The following SCFD2 variants were observed in gnomAD, a reference collection of about 807,000 sequenced individuals.
SCFD2 encodes the protein sec1 family domain containing 2.
SCFD2 carries 54 observed loss-of-function variants against 58.9 expected under a neutral mutation model. The observed-to-expected ratio is 0.92, with a 90% CI of 0.74 to 1.15. SCFD2 has a LOEUF of 1.15. Among genes scored for constraint, SCFD2 ranks in the 50% most tolerant of loss-of-function variants. The probability of loss-of-function intolerance (pLI) is 0.00; values close to 1 mark genes in which losing one functional copy is unlikely to be tolerated. For missense variants in SCFD2, 805 were observed against 836.6 expected (o/e 0.96, Z 0.47); for synonymous variants, 321 against 335.9 (o/e 0.96, Z 0.49).
chr4:52,986,037 T>A (rs1482265418), intron 5 of SCFD2, among the ~76,000 whole-genome samples: 1 of 152,010 alleles, frequency 6.6e-6, no homozygotes, highest in Non-Finnish European at 1.5e-5. Context: ...TTTGCACCTG[T>A]CCCCCTGTGA....
At position 52,941,401 on chromosome 4, in the gene SCFD2, T is replaced by C. The variant is rs369929753; in HGVS notation, c.1562-20531A>G. ...TGATAGCTTTTCTGACATTTATTTC[T>C]GCTTCTTTTGGTGGGTCTTTCTATA... On this transcript the variant is annotated intron_variant, in intron 5 of 8. Coordinates refer to ENST00000401642, the MANE Select transcript of SCFD2 (RefSeq NM_152540.4). Among the ~76,000 whole-genome samples, 22 of 152,346 alleles carry C rather than the reference T, an allele frequency of 1.4e-4. 1 individual carries two copies. The highest frequency in any genetic ancestry group is 5.3e-4 in the African/African-American group (22 of 41,590).
In SCFD2 at chr4:53,270,918, T is replaced by C. The variant is rs1477239480; in HGVS notation, c.1311+2908A>G. On this transcript the variant is annotated intron_variant, in intron 4 of 8. Coordinates refer to ENST00000401642, the MANE Select transcript of SCFD2 (RefSeq NM_152540.4). ...ATATTACATATTAATGGGAAAAAGATGAGTGTATTTTGGCTCCAAATAACA... is the reference window on the plus strand; with the variant it reads ...ATATTACATATTAATGGGAAAAAGACGAGTGTATTTTGGCTCCAAATAACA... 2.0e-5 allele frequency among the ~76,000 whole-genome samples: 3 copies of C among 152,164 alleles called. No homozygotes were observed. In the East Asian group the frequency reaches 5.8e-4, roughly 29 times the overall value.
intron 5 of SCFD2, among the ~76,000 whole-genome samples, chr4:53,125,824 G>A (rs1352878812): frequency 5.3e-5 from 8 of 152,200 alleles, no homozygotes; most frequent in Non-Finnish European, 2.9e-5. Context: ...CTAAAGGGAG[G>A]GGGTAGATAT....
intron 7 of SCFD2, among the ~76,000 whole-genome samples, chr4:52,905,248 G>C (rs377761700): frequency 7.9e-5 from 12 of 152,328 alleles, no homozygotes; most frequent in African/African-American, 2.6e-4. Flanking sequence ...GGAAATTACA[G>C]TCAGTGTCTC....
At chr4:53,125,077 G>A (rs938627474) in intron 5 of SCFD2, among the ~76,000 whole-genome samples, 2 of 152,098 alleles carry the variant, frequency 1.3e-5, no homozygotes, top group Non-Finnish European at 2.9e-5. Context: ...AAGTCCCTAG[G>A]ATCCTCGCAA....
chr4:52,938,252 A>G (rs1720194214), intron 5 of SCFD2, among the ~76,000 whole-genome samples: 2 of 152,212 alleles, frequency 1.3e-5, no homozygotes, highest in Admixed American at 1.3e-4. Context: ...CATTTCACAG[A>G]TGAGAAAAAT....
intron 4 of SCFD2, among the ~76,000 whole-genome samples, chr4:53,255,781 AGGGGCGGCCGGGC>A (rs1465580447): frequency 3.5e-5 from 5 of 142,602 alleles, no homozygotes; most frequent in South Asian, 2.3e-4. Flanking sequence ...ACTTCCCAGT[AGGGGCGGCCGGGC>A]AGAGGCGCCC....
intron 4 of SCFD2, among the ~76,000 whole-genome samples, chr4:53,181,311 T>C (rs1055827212): frequency 2.6e-5 from 4 of 152,130 alleles, no homozygotes; most frequent in East Asian, 1.9e-4. Flanking sequence ...TCCACCATGA[T>C]CAAGTGGGCT....
At chr4:52,909,291 G>A (rs1719427788) in intron 6 of SCFD2, among the ~76,000 whole-genome samples, 1 of 152,190 alleles carries the variant, frequency 6.6e-6, no homozygotes, top group South Asian at 2.1e-4. Context: ...AACCACCCAA[G>A]TGCCATCAGT....
chr4:53,069,441 C>CA (rs1040750183), intron 5 of SCFD2, among the ~76,000 whole-genome samples: 6 of 152,058 alleles, frequency 3.9e-5, no homozygotes, highest in Admixed American at 3.3e-4. Context: ...CAGACTTCAT[C>CA]AGCAAAAGCA....
chr4:53,114,491 C>A (rs1051453958), intron 5 of SCFD2, among the ~76,000 whole-genome samples: 1 of 152,076 alleles, frequency 6.6e-6, no homozygotes, highest in Non-Finnish European at 1.5e-5. Flanking sequence ...TTCCTCCCAG[C>A]CTGTACTCAA....
chr4:53,264,464 G>C (rs1417587878), intron 4 of SCFD2, among the ~76,000 whole-genome samples: 3 of 152,206 alleles, frequency 2.0e-5, no homozygotes, highest in Non-Finnish European at 4.4e-5. Flanking sequence ...GCTTTTGCAA[G>C]TAACAATACC....
At chr4:52,986,652 C>T (rs1721502108) in intron 5 of SCFD2, among the ~76,000 whole-genome samples, 1 of 151,758 alleles carries the variant, frequency 6.6e-6, no homozygotes, top group Admixed American at 6.6e-5. Context: ...GCGCCCACCA[C>T]CACGCTCGGC....
rs750652242 is a variant in SCFD2 at position 53,145,330 on chromosome 4, C to G, written c.1561+3G>C. The G allele has an allele frequency of 1.2e-5, 20 of 1,613,844 alleles. No homozygotes were observed. In the East Asian group the frequency reaches 4.5e-4, roughly 36 times the overall value. On this transcript the variant is annotated splice_donor_region_variant and intron_variant, in intron 5 of 8. Transcript: ENST00000401642. ...GTGTCCTGTATCTTTGTTAGACACT[C>G]ACCCGTAATTTTTTGCAGCAAAGGT...
chr4:52,962,014 T>C (rs1344266715), intron 5 of SCFD2, among the ~76,000 whole-genome samples: 1 of 152,192 alleles, frequency 6.6e-6, no homozygotes, highest in Non-Finnish European at 1.5e-5. Flanking sequence ...GAAGAGAAGA[T>C]GTTGAGTCCC....
chr4:53,097,136 A>T (rs1165956006), intron 5 of SCFD2, among the ~76,000 whole-genome samples: 6 of 152,310 alleles, frequency 3.9e-5, no homozygotes, highest in Middle Eastern at 3.4e-3. Context: ...TATAGTTTGA[A>T]GTTAGGTAGC....
intron 1 of SCFD2, among the ~76,000 whole-genome samples, chr4:53,356,800 G>C (rs1251310540): frequency 6.8e-6 from 1 of 146,800 alleles, no homozygotes; most frequent in African/African-American, 2.5e-5. Context: ...GCAGTGGCGC[G>C]ATCTCGGCTC....
intron 5 of SCFD2, chr4:52,945,738 C>T (rs796965628): frequency 5.3e-5 from 8 of 152,288 alleles, no homozygotes; most frequent in African/African-American, 1.9e-4. Flanking sequence ...CCTGGACATA[C>T]TTTCCAAGCC....
intron 6 of SCFD2, 39 bp from the exon 7 acceptor site, chr4:52,907,630 G>A: frequency 2.5e-6 from 4 of 1,609,596 alleles, no homozygotes; most frequent in Non-Finnish European, 3.4e-6. Context: ...GGATTGTTTG[G>A]TTTGTCTGGA....
Sources: gnomAD v4.1 joint callset for allele counts (sites outside exome capture counted in the v4.1 genomes callset) on GRCh38, gnomAD v4.1.1 for gene constraint, MANE v1.5 for transcripts, NCBI Gene and HGNC (gene_info 2026-07-23, HGNC 2026-07-21) for gene names.